Variants in DNASE1L3 observed in about 807,000 individuals in gnomAD.
The protein encoded by DNASE1L3 is deoxyribonuclease gamma.
Under a neutral mutation model 30.9 loss-of-function variants are expected in DNASE1L3, and 27 were observed. That is an observed-to-expected ratio of 0.87 (90% CI 0.64 to 1.20). The LOEUF is 1.20. DNASE1L3 is among the 50% of genes most tolerant of loss of function. DNASE1L3 has a pLI of 0.00. For missense variants in DNASE1L3, 364 were observed against 378.2 expected (o/e 0.96, Z 0.31); for synonymous variants, 135 against 138.0 (o/e 0.98, Z 0.15).
chr3:58,203,697 G>A (rs1200043350), intron 4 of DNASE1L3, among the ~76,000 whole-genome samples: 1 of 152,166 alleles, frequency 6.6e-6, no homozygotes, highest in Non-Finnish European at 1.5e-5. Flanking sequence ...CTACTTGCGA[G>A]GCTGAGGTGC....
chr3:58,194,314 C>CTTTTTTTTTTTTTT (rs11358965), intron 6 of DNASE1L3, among the ~76,000 whole-genome samples: 1 of 89,052 alleles, frequency 1.1e-5, no homozygotes, highest in African/African-American at 4.7e-5. Context: ...GCACAACTAA[C>CTTTTTTTTTTTTTT]TTTTTTTTTT....
At chr3:58,203,961 T>C (rs1273451947) in intron 4 of DNASE1L3, among the ~76,000 whole-genome samples, 1 of 152,084 alleles carries the variant, frequency 6.6e-6, no homozygotes, top group Non-Finnish European at 1.5e-5. Flanking sequence ...TTGTAGTCAT[T>C]GCAAGGATTA....
At chr3:58,194,821 G>A (rs1056137123) in intron 6 of DNASE1L3, among the ~76,000 whole-genome samples, 1 of 151,496 alleles carries the variant, frequency 6.6e-6, no homozygotes, top group African/African-American at 2.4e-5. Context: ...GTAGAGACGG[G>A]GTTTCACTGT....
At chr3:58,210,362 C>G (rs565695981) in intron 1 of DNASE1L3, among the ~76,000 whole-genome samples, 8 of 152,168 alleles carry the variant, frequency 5.3e-5, no homozygotes, top group Non-Finnish European at 8.8e-5. Flanking sequence ...CTTCATCTTT[C>G]TTTGTTCATC....
chr3:58,205,710 C>T (rs1449233464), intron 2 of DNASE1L3, 150 bp from the exon 3 acceptor site: 3 of 648,576 alleles, frequency 4.6e-6, no homozygotes, highest in African/African-American at 1.8e-5. Flanking sequence ...ATGAGAGGAG[C>T]CACCATTGAT....
chr3:58,205,952 C>T (rs1188915678), intron 2 of DNASE1L3, among the ~76,000 whole-genome samples: 1 of 152,250 alleles, frequency 6.6e-6, no homozygotes, highest in Non-Finnish European at 1.5e-5. Context: ...ATGCCCATGG[C>T]TGCAGCTGCA....
In DNASE1L3 at chr3:58,205,158, C is replaced by T. The variant is rs574362146; in HGVS notation, c.321-277G>A. ...TACTAGCAGGAAGAGGAAAAGAATA[C>T]GAAGTTCAGGAATCAGCTGTGCTGA... On this transcript the variant is annotated intron_variant, in intron 3 of 7. Transcript: ENST00000394549. Among the ~76,000 whole-genome samples, 25 of 152,340 alleles carry T rather than the reference C, an allele frequency of 1.6e-4. No homozygotes were observed. The South Asian group carries it at 2.3e-3, about 14-fold the overall frequency.
intron 5 of DNASE1L3, among the ~76,000 whole-genome samples, chr3:58,198,825 T>C (rs1461690733): frequency 6.6e-6 from 1 of 152,220 alleles, no homozygotes; most frequent in Non-Finnish European, 1.5e-5. Context: ...TCTCTCCTAT[T>C]GTTTTGAAGT....
intron 5 of DNASE1L3, among the ~76,000 whole-genome samples, chr3:58,198,974 C>A (rs775531109): frequency 1.3e-5 from 2 of 152,130 alleles, no homozygotes; most frequent in Non-Finnish European, 2.9e-5. Context: ...TTTTTCCCTG[C>A]AAGGCTCTTG....
intron 6 of DNASE1L3, among the ~76,000 whole-genome samples, chr3:58,196,388 CAAA>C (rs546028723): frequency 1.6e-5 from 2 of 125,118 alleles, no homozygotes; most frequent in Non-Finnish European, 1.7e-5. Context: ...ACTAAAAATA[CAAA>C]AAAAAAAAAA....
intron 4 of DNASE1L3, 47 bp from the exon 5 acceptor site, chr3:58,201,156 G>A: frequency 6.6e-7 from 1 of 1,517,436 alleles, no homozygotes; most frequent in South Asian, 1.2e-5. Context: ...CCCTGTCAAG[G>A]TCTCATAAAC....
chr3:58,200,916 C>G lies in DNASE1L3; in HGVS notation c.546+81G>C. ...TGCACATGCCCTTCCTCCTCCCCCT[C>G]CCTGGAGAGGTACTCATCCCACTCA... On this transcript the variant is annotated intron_variant, in intron 5 of 7. Coordinates refer to ENST00000394549, the MANE Select transcript of DNASE1L3 (RefSeq NM_004944.4). The surrounding 1 kb of genome is among the most constrained non-coding windows in gnomAD (Gnocchi z 4.2). 1 of 1,136,884 alleles carries G rather than the reference C, an allele frequency of 8.8e-7. No individual in the cohort carries two copies. The highest frequency in any genetic ancestry group is 1.3e-6 in the Non-Finnish European group (1 of 782,450). 70.4% of individuals were successfully genotyped at this position (1,136,884 alleles called of 1,614,324 possible).
chr3:58,199,994 C>T (rs765282611), intron 5 of DNASE1L3, among the ~76,000 whole-genome samples: 19 of 152,188 alleles, frequency 1.2e-4, no homozygotes, highest in South Asian at 1.2e-3. Context: ...CATTCCGAAA[C>T]GAGAAAAGAG....
At position 58,192,396 on chromosome 3, in the gene DNASE1L3, AG is replaced by A. The variant is rs1479184897; in HGVS notation, c.*290del. ...CTCCCCCTGCAGCCTCTCGCATGAC[AG>A]GGTTGAGCAGGGCCAGTGACAGTGG... On this transcript the variant is annotated 3_prime_UTR_variant, in exon 8 of 8. Transcript: ENST00000394549. This position sits in a 1 kb window ranked among gnomAD's most constrained non-coding sequence, Gnocchi z 4.8. The A allele has an allele frequency of 1.8e-5, 4 of 221,028 alleles. No individual in the cohort carries two copies. Among genetic ancestry groups the A allele is most frequent in the Non-Finnish European group, 3.5e-5 (4 of 113,588 alleles). 13.7% of individuals were successfully genotyped at this position (221,028 alleles called of 1,614,324 possible). A position where few individuals can be genotyped will look rare whatever the true frequency, so the allele number is the denominator to read the frequency against.
intron 3 of DNASE1L3, 48 bp from the exon 4 acceptor site, chr3:58,204,929 T>A (rs755015440): frequency 6.4e-7 from 1 of 1,566,114 alleles, no homozygotes; most frequent in South Asian, 1.1e-5. Flanking sequence ...GCCCTTTTCT[T>A]ACTACTTTCA....
intron 4 of DNASE1L3, among the ~76,000 whole-genome samples, chr3:58,202,852 TAA>T (rs879567551): frequency 1.4e-5 from 2 of 142,266 alleles, no homozygotes; most frequent in African/African-American, 2.6e-5. Context: ...AAACTCTGTC[TAA>T]AAAAAAAAAA....
intron 6 of DNASE1L3, among the ~76,000 whole-genome samples, chr3:58,194,924 G>A (rs1020577709): frequency 9.2e-5 from 14 of 151,994 alleles, no homozygotes; most frequent in African/African-American, 4.8e-5. Context: ...CACCACGCCC[G>A]GCCCGGGCTA....
At chr3:58,204,227 GC>G (rs908728880) in intron 4 of DNASE1L3, among the ~76,000 whole-genome samples, 2 of 149,378 alleles carry the variant, frequency 1.3e-5, no homozygotes, top group Non-Finnish European at 3.0e-5. Context: ...TGCAACCTCT[GC>G]CTCCCTGGTT....
Position 58,201,000 on chromosome 3 carries a change from C to T in DNASE1L3, c.543G>A (p.Ala181=), listed in dbSNP as rs61730077. Residue 181 remains alanine, a synonymous_variant, in exon 5 of 8, where the codon GCG becomes GCA. Transcript: ENST00000394549. This position sits in a 1 kb window ranked among gnomAD's most constrained non-coding sequence, Gnocchi z 4.2. The part of the protein sequence containing the change: ...VYTDVKHRWK[A]ENFIFMGDFN... ...CGTCTGACACAGCAGTCCTCACCTCCGCCTTCCAGCGGTGTTTCACGTCCG... is the reference window on the plus strand; with the variant it reads ...CGTCTGACACAGCAGTCCTCACCTCTGCCTTCCAGCGGTGTTTCACGTCCG... The T allele has an allele frequency of 2.3e-3, 3,631 of 1,611,434 alleles. 16 individuals are homozygous for T. Among genetic ancestry groups the T allele is most frequent in the Non-Finnish European group, 2.8e-3 (3,253 of 1,178,416 alleles).
Sources: allele counts gnomAD v4.1 joint callset (sites outside exome capture counted in the v4.1 genomes callset), GRCh38; gene constraint gnomAD v4.1.1; non-coding constraint Gnocchi (gnomAD v3.1); transcripts MANE v1.5; gene names NCBI Gene and HGNC (gene_info 2026-07-23, HGNC 2026-07-21).